JMJD1C: variants seen among roughly 807,000 people sequenced by gnomAD.
JMJD1C encodes jumonji domain-containing protein 1C.
JMJD1C carries 31 observed loss-of-function variants against 245.3 expected under a neutral mutation model. That is an observed-to-expected ratio of 0.13 (90% CI 0.09 to 0.17). The LOEUF is 0.17. Ranked by LOEUF, JMJD1C falls within the 10% of genes least tolerant of loss-of-function variation. JMJD1C has a pLI of 1.00. For missense variants in JMJD1C, 2,691 were observed against 3,000.2 expected, an observed-to-expected ratio of 0.90 and a Z score of 2.41; for synonymous variants, 1,057 against 1,017.4, an observed-to-expected ratio of 1.04 and a Z score of -0.74.
intron 1 of JMJD1C, among the ~76,000 whole-genome samples, chr10:63,391,798 A>C (rs954366598): frequency 1.3e-5 from 2 of 152,182 alleles, no homozygotes; most frequent in Admixed American, 6.5e-5. Context: ...AAACAATCCT[A>C]AAATTCCTAT....
At chr10:63,311,122 G>T (rs1422675330) in intron 2 of JMJD1C, among the ~76,000 whole-genome samples, 2 of 151,542 alleles carry the variant, frequency 1.3e-5, no homozygotes, top group Non-Finnish European at 2.9e-5. Context: ...TGTAATCCCA[G>T]CATCTTGGAA....
chr10:63,412,296 G>T (rs959103127), intron 1 of JMJD1C, among the ~76,000 whole-genome samples: 1 of 151,996 alleles, frequency 6.6e-6, no homozygotes, highest in Non-Finnish European at 1.5e-5. Flanking sequence ...AAGTAAGCTA[G>T]AGAAGTTATT....
At chr10:63,335,136 A>AC (rs1942586933) in intron 2 of JMJD1C, among the ~76,000 whole-genome samples, 2 of 152,138 alleles carry the variant, frequency 1.3e-5, no homozygotes, top group Admixed American at 1.3e-4. Flanking sequence ...ATAAGGTCAG[A>AC]CAAAGCAGTC....
intron 3 of JMJD1C, among the ~76,000 whole-genome samples, chr10:63,226,266 T>C (rs1453793222): frequency 6.6e-6 from 1 of 152,206 alleles, no homozygotes; most frequent in Non-Finnish European, 1.5e-5. Context: ...TGCAATCTTA[T>C]AATCAGAAAG....
intron 2 of JMJD1C, among the ~76,000 whole-genome samples, chr10:63,303,260 G>A (rs909257275): frequency 1.3e-5 from 2 of 152,150 alleles, no homozygotes; most frequent in East Asian, 1.9e-4. Flanking sequence ...AGGGAAGAGA[G>A]GCATTCTTCT....
intron 1 of JMJD1C, among the ~76,000 whole-genome samples, chr10:63,458,320 T>C (rs1411785112): frequency 6.6e-6 from 1 of 151,948 alleles, no homozygotes. Flanking sequence ...ACTCCATCTC[T>C]ACAAAGAGTA....
At chr10:63,258,390 TAACC>T (rs752625881) in intron 3 of JMJD1C, among the ~76,000 whole-genome samples, 11 of 152,220 alleles carry the variant, frequency 7.2e-5, no homozygotes, top group Non-Finnish European at 1.6e-4. Context: ...ATATTTACAA[TAACC>T]AACATGCCAT....
At chr10:63,245,154 A>C (rs1427225027) in intron 3 of JMJD1C, among the ~76,000 whole-genome samples, 4 of 149,362 alleles carry the variant, frequency 2.7e-5, no homozygotes, top group African/African-American at 9.9e-5. Context: ...AAAAAAAAAA[A>C]AAAGAGAGAT....
chr10:63,335,254 C>CGGT, intron 2 of JMJD1C, among the ~76,000 whole-genome samples: 2 of 152,058 alleles, frequency 1.3e-5, no homozygotes, highest in Middle Eastern at 3.4e-3. Flanking sequence ...TTGCTTCAAC[C>CGGT]TGAACAATGA....
chr10:63,198,314 T>G (rs1845672000), intron 12 of JMJD1C, among the ~76,000 whole-genome samples, 199 bp downstream of exon 12: 1 of 152,214 alleles, frequency 6.6e-6, no homozygotes, highest in Non-Finnish European at 1.5e-5. Flanking sequence ...GCTATTGTGA[T>G]TTCACAAATG....
intron 2 of JMJD1C, among the ~76,000 whole-genome samples, chr10:63,265,718 G>A (rs903231896): frequency 7.2e-5 from 11 of 152,038 alleles, no homozygotes; most frequent in African/African-American, 1.7e-4. Context: ...AAAAAAGTTC[G>A]GAAAACAGAA....
intron 2 of JMJD1C, among the ~76,000 whole-genome samples, chr10:63,374,013 G>A (rs1007415814): frequency 1.3e-5 from 2 of 152,010 alleles, no homozygotes; most frequent in African/African-American, 4.8e-5. Context: ...AAAAAAGGAA[G>A]GAAGGCAAGC....
At chr10:63,323,818 G>C (rs1941200801) in intron 2 of JMJD1C, among the ~76,000 whole-genome samples, 1 of 152,040 alleles carries the variant, frequency 6.6e-6, no homozygotes, top group African/African-American at 2.4e-5. Flanking sequence ...CTGTGTGTTT[G>C]CATATGTGTG....
At chr10:63,425,419 T>A (rs537863284) in intron 1 of JMJD1C, among the ~76,000 whole-genome samples, 52 of 152,228 alleles carry the variant, frequency 3.4e-4, no homozygotes, top group African/African-American at 1.2e-3. Flanking sequence ...TAAGGAGTGA[T>A]GAAACTGCTC....
intron 1 of JMJD1C, among the ~76,000 whole-genome samples, chr10:63,475,591 A>G (rs1953635220): frequency 6.6e-6 from 1 of 152,154 alleles, no homozygotes; most frequent in South Asian, 2.1e-4. Context: ...TACTGGGGAG[A>G]AGGAGGATTA....
At position 63,488,604 on chromosome 10, in the gene JMJD1C, C is replaced by A. The variant is rs528153276; in HGVS notation, n.113+33134G>T. Reference sequence around the variant, plus strand: ...ACTGACACTACACAGCAGGGACATGCTCTCAGCACTCATTATATCCATTTA... The same window carrying A: ...ACTGACACTACACAGCAGGGACATGATCTCAGCACTCATTATATCCATTTA... On this transcript the variant is annotated intron_variant and non_coding_transcript_variant, in intron 1 of 3. Transcript: ENST00000633035. 1.1e-4 allele frequency among the ~76,000 whole-genome samples: 16 copies of A among 151,368 alleles called. No individual in the cohort carries two copies. In the South Asian group the frequency reaches 3.3e-3, roughly 32 times the overall value.
chr10:63,205,603 T>C (rs1238375925), intron 10 of JMJD1C, among the ~76,000 whole-genome samples: 1 of 152,212 alleles, frequency 6.6e-6, no homozygotes, highest in Non-Finnish European at 1.5e-5. Flanking sequence ...GTAGGTTACA[T>C]GCAAATATAG....
chr10:63,392,510 GT>G (rs1372103707), intron 1 of JMJD1C, among the ~76,000 whole-genome samples: 1 of 151,814 alleles, frequency 6.6e-6, no homozygotes, highest in Non-Finnish European at 1.5e-5. Flanking sequence ...AAACTCAACA[GT>G]TTAAAAAAAA....
At chr10:63,375,714 CTTATT>C (rs916406548) in intron 2 of JMJD1C, among the ~76,000 whole-genome samples, 19 of 151,978 alleles carry the variant, frequency 1.3e-4, no homozygotes, top group Admixed American at 2.6e-4. Flanking sequence ...CCACACTCGG[CTTATT>C]TTATTTTATT....
Sources: allele counts gnomAD v4.1 joint callset (sites outside exome capture counted in the v4.1 genomes callset), GRCh38; gene constraint gnomAD v4.1.1; transcripts MANE v1.5; gene names NCBI Gene and HGNC (gene_info 2026-07-23, HGNC 2026-07-21).